Variants in DPP8 observed in about 807,000 individuals in gnomAD.
The protein encoded by DPP8 is DPP VIII.
Under a neutral mutation model 107.5 loss-of-function variants are expected in DPP8, and 31 were observed. The observed-to-expected ratio is 0.29, with a 90% CI of 0.22 to 0.39. The LOEUF is 0.39. Among genes scored for constraint, DPP8 ranks in the 10% least tolerant of loss-of-function variants. DPP8 has a pLI of 1.00. For synonymous variants in DPP8, 381 were observed against 356.6 expected (o/e 1.07, Z -0.77); for missense variants, 842 against 1,076.1 (o/e 0.78, Z 3.04).
intron 17 of DPP8, 151 bp downstream of exon 17, chr15:65,454,111 CG>C (rs2064200790): frequency 2.1e-6 from 1 of 486,742 alleles, no homozygotes; most frequent in Admixed American, 5.1e-5. Flanking sequence ...CACTCCAGCC[CG>C]GGTTACAGAG....
chr15:65,464,887 G>A (rs1016143514), intron 14 of DPP8, among the ~76,000 whole-genome samples: 11 of 152,110 alleles, frequency 7.2e-5, no homozygotes, highest in African/African-American at 2.7e-4. Flanking sequence ...GATAAAGCTG[G>A]GTGGGGGGGT....
intron 6 of DPP8, among the ~76,000 whole-genome samples, chr15:65,488,160 A>G (rs1050132154): frequency 1.3e-5 from 2 of 152,244 alleles, no homozygotes; most frequent in Non-Finnish European, 2.9e-5. Flanking sequence ...TATTAAAAAA[A>G]TAAATACTAC....
rs537756373 is a variant in DPP8 at position 65,466,198 on chromosome 15, G to C, written c.1825+480C>G. Among the ~76,000 whole-genome samples the C allele has an allele frequency of 7.9e-5, 12 of 152,232 alleles. No homozygotes were observed. The South Asian group carries it at 2.5e-3, about 32-fold the overall frequency. On this transcript the variant is annotated intron_variant, in intron 14 of 19. Coordinates refer to ENST00000300141, the MANE Select transcript of DPP8 (RefSeq NM_130434.5). ...TTGTCACCCAGGCTGCAGTTCAGTGGTGTGATCTTAGTTCATTGCAACCTC... is the reference window on the plus strand; with the variant it reads ...TTGTCACCCAGGCTGCAGTTCAGTGCTGTGATCTTAGTTCATTGCAACCTC...
chr15:65,512,648 G>GCA, intron 1 of DPP8, 84 bp from the exon 2 acceptor site: 1 of 1,481,438 alleles, frequency 6.8e-7, no homozygotes, highest in South Asian at 1.3e-5. Flanking sequence ...AAAAAAAAGC[G>GCA]GGGGAGTGGG....
intron 3 of DPP8, 94 bp downstream of exon 3, chr15:65,507,149 T>G: frequency 1.6e-6 from 1 of 623,102 alleles, no homozygotes; most frequent in Non-Finnish European, 2.6e-6. Flanking sequence ...TTTTTTTATT[T>G]ACATCTACTT....
rs201159759 is a variant in DPP8, at chr15:65,487,812, C to T, written c.833G>A (p.Ser278Asn). The T allele has an allele frequency of 1.3e-4, 199 of 1,547,482 alleles. No individual in the cohort carries two copies. The highest frequency in any genetic ancestry group is 1.2e-3 in the Admixed American group (66 of 54,094). ...WWCPKAETTPSGGKILRILYE... is the reference protein window; with the variant it reads ...WWCPKAETTPNGGKILRILYE... ...TAGAATTCTAAGAATTTTACCACCA[C>T]TGGGAGCTTAAAAGAAATTTAAATA... is the stretch of plus-strand genomic sequence containing the variant. The change falls in exon 7 of 20, where the codon AGT (serine) becomes AAT (asparagine). Residue 278 changes from serine (S) to asparagine (N), a missense_variant. Coordinates refer to ENST00000300141, the MANE Select transcript of DPP8 (RefSeq NM_130434.5).
At chr15:65,451,215 TA>T in intron 18 of DPP8, 105 bp from the exon 19 acceptor site, 1 of 687,978 alleles carries the variant, frequency 1.5e-6, no homozygotes, top group South Asian at 1.7e-5. Context: ...CCTTATACTG[TA>T]ATGTTAGAAT....
intron 13 of DPP8, 56 bp from the exon 14 acceptor site, chr15:65,466,869 G>C (rs748946642): frequency 2.5e-5 from 39 of 1,553,374 alleles, no homozygotes; most frequent in Admixed American, 7.1e-5. Flanking sequence ...AAGGTTATCT[G>C]CTGTTACATC....
chr15:65,463,005 C>T (rs532232195), intron 15 of DPP8, among the ~76,000 whole-genome samples: 1 of 152,294 alleles, frequency 6.6e-6, no homozygotes, highest in South Asian at 2.1e-4. Flanking sequence ...GTTGCCTTAA[C>T]TAGCTGATAA....
At chr15:65,507,854 A>G (rs2070262539) in intron 2 of DPP8, among the ~76,000 whole-genome samples, 1 of 152,164 alleles carries the variant, frequency 6.6e-6, no homozygotes, top group Non-Finnish European at 1.5e-5. Flanking sequence ...AGATTCCAAT[A>G]TAACAACTTC....
chr15:65,487,916 A>G, intron 6 of DPP8, 98 bp from the exon 7 acceptor site: 3 of 816,798 alleles, frequency 3.7e-6, no homozygotes, highest in South Asian at 3.6e-5. Flanking sequence ...TATAGTGAAG[A>G]ATAACTTATG....
chr15:65,499,058 C>T (rs1056096703), intron 4 of DPP8, among the ~76,000 whole-genome samples: 16 of 132,292 alleles, frequency 1.2e-4, no homozygotes, highest in African/African-American at 5.1e-4. Flanking sequence ...TTTGTCTCCC[C>T]CCCAAAAAAA....
chr15:65,517,315 G>C (rs1001823075), intron 1 of DPP8, 171 bp downstream of exon 1: 2 of 152,174 alleles, frequency 1.3e-5, no homozygotes, highest in Admixed American at 1.3e-4. Context: ...GGGGGAGGGG[G>C]GAAGGGCACC....
chr15:65,471,331 TGATACCCTG>T (rs2065877211), intron 12 of DPP8, among the ~76,000 whole-genome samples: 1 of 152,186 alleles, frequency 6.6e-6, no homozygotes, highest in Admixed American at 6.5e-5. Context: ...AGGTCAGTCT[TGATACCCTG>T]AAGTTTTTGT....
intron 8 of DPP8, among the ~76,000 whole-genome samples, chr15:65,482,566 G>A (rs972857434): frequency 2.0e-5 from 3 of 152,266 alleles, no homozygotes; most frequent in South Asian, 4.1e-4. Flanking sequence ...GTAAGCCACC[G>A]TGCTTGGCCC....
chr15:65,446,923 T>G lies in DPP8; in HGVS notation c.2610A>C (p.Glu870Asp). The G allele has an allele frequency of 6.2e-7, 1 of 1,613,318 alleles. No homozygotes were observed. Among genetic ancestry groups the G allele is most frequent in the Non-Finnish European group, 8.5e-7 (1 of 1,179,556 alleles). The change falls in exon 20 of 20, where the codon GAA (glutamate) becomes GAC (aspartate). Residue 870 changes from glutamate (E) to aspartate (D), a missense_variant. Glu to Asp is a conservative substitution (Grantham distance 45, BLOSUM62 2). Coordinates refer to ENST00000300141, the MANE Select transcript of DPP8 (RefSeq NM_130434.5). ...YELHLLHYLQ[E>D]NLGSRIAALK... ...GAGCAGCAATACGTGATCCAAGGTT[T>G]TCTTGAAGGTAGTGCAAAAGATGCA... is the stretch of plus-strand genomic sequence containing the variant.
chr15:65,466,856 GA>G, intron 13 of DPP8, 43 bp from the exon 14 acceptor site: 1 of 1,593,286 alleles, frequency 6.3e-7, no homozygotes, highest in African/African-American at 1.3e-5. Context: ...CAGGAAGGTA[GA>G]AAAGGTTATC....
At chr15:65,505,750 G>T (rs775954847) in intron 3 of DPP8, among the ~76,000 whole-genome samples, 1 of 151,364 alleles carries the variant, frequency 6.6e-6, no homozygotes, top group Non-Finnish European at 1.5e-5. Flanking sequence ...AAGAGTTCGA[G>T]ACCAGCCTGG....
chr15:65,475,802 C>T (rs1329924141), intron 11 of DPP8, among the ~76,000 whole-genome samples: 1 of 152,180 alleles, frequency 6.6e-6, no homozygotes, highest in East Asian at 1.9e-4. Flanking sequence ...GGCTACAGTG[C>T]AGCGGCACCA....
Sources: allele counts gnomAD v4.1 joint callset (sites outside exome capture counted in the v4.1 genomes callset), GRCh38; gene constraint gnomAD v4.1.1; transcripts MANE v1.5; gene names NCBI Gene and HGNC (gene_info 2026-07-23, HGNC 2026-07-21).